Variants in MTHFD1L observed in about 807,000 individuals in gnomAD.
MTHFD1L encodes the protein methylenetetrahydrofolate dehydrogenase (NADP+ dependent) 1 like.
MTHFD1L carries 81 observed loss-of-function variants against 119.5 expected under a neutral mutation model. The ratio of observed to expected loss-of-function variants is 0.68; its 90% CI spans 0.57 to 0.82. MTHFD1L has a LOEUF of 0.82. MTHFD1L is among the 40% of genes least tolerant of loss of function. The pLI is 0.00. For synonymous variants in MTHFD1L, 430 were observed against 475.2 expected (o/e 0.90, Z 1.24); for missense variants, 1,125 against 1,253.4 (o/e 0.90, Z 1.55).
At chr6:151,058,620 A>G (rs1192125625) in intron 26 of MTHFD1L, among the ~76,000 whole-genome samples, 1 of 152,132 alleles carries the variant, frequency 6.6e-6, no homozygotes, top group Non-Finnish European at 1.5e-5. Context: ...CTCTGTGACA[A>G]GGGACAGCCA....
At position 150,899,022 on chromosome 6, in the gene MTHFD1L, A is replaced by C. The variant is rs1784716132; in HGVS notation, c.781-6628A>C. On this transcript the variant is annotated intron_variant, in intron 7 of 27. Coordinates refer to ENST00000367321, the MANE Select transcript of MTHFD1L (RefSeq NM_015440.5). ...AGAATGGTGCTGCATTTTTCCTTTT[A>C]TCATCTGTCATGACTTTTTTAAGTG... is the stretch of plus-strand genomic sequence containing the variant. The C allele has an allele frequency of 6.0e-6, 6 of 1,004,182 alleles. No individual in the cohort carries two copies. The South Asian group carries it at 2.4e-4, about 41-fold the overall frequency. The allele number at this position is 1,004,182 out of a possible 1,614,324, so 62.2% of individuals were successfully genotyped here.
intron 26 of MTHFD1L, among the ~76,000 whole-genome samples, chr6:151,069,838 A>G (rs1197446747): frequency 6.6e-6 from 1 of 152,182 alleles, no homozygotes; most frequent in African/African-American, 2.4e-5. Context: ...TTCTCGGATT[A>G]TAGATCCCTC....
chr6:151,091,252 C>CGACTGGGTGCAGCATTGCTGCATGT (rs1794416194), intron 26 of MTHFD1L, among the ~76,000 whole-genome samples: 2 of 139,358 alleles, frequency 1.4e-5, no homozygotes, highest in African/African-American at 2.8e-5. Flanking sequence ...TCGTTCCATG[C>CGACTGGGTGCAGCATTGCTGCATGT]GACTGGGTGC....
At chr6:150,945,381 A>C in intron 14 of MTHFD1L, 86 bp from the exon 15 acceptor site, 1 of 1,048,312 alleles carries the variant, frequency 9.5e-7, no homozygotes, top group East Asian at 2.4e-5. Context: ...TTATAAATGC[A>C]ATGAATTTTT....
intron 5 of MTHFD1L, among the ~76,000 whole-genome samples, chr6:150,884,116 G>A (rs1209481989): frequency 1.3e-5 from 2 of 151,340 alleles, no homozygotes; most frequent in Non-Finnish European, 2.9e-5. Flanking sequence ...GACCAGCCTG[G>A]ACAACATAGT....
chr6:150,927,248 A>G (rs1265317705), intron 11 of MTHFD1L, among the ~76,000 whole-genome samples: 1 of 152,144 alleles, frequency 6.6e-6, no homozygotes, highest in Non-Finnish European at 1.5e-5. Flanking sequence ...CCCAAACCCA[A>G]GCACTCAGAG....
chr6:150,946,232 C>G (rs1278469835), intron 15 of MTHFD1L, among the ~76,000 whole-genome samples: 1 of 152,162 alleles, frequency 6.6e-6, no homozygotes, highest in Non-Finnish European at 1.5e-5. Context: ...TCACTGCAAC[C>G]TCTGCCTTCC....
chr6:151,029,977 G>A (rs1428640182), intron 24 of MTHFD1L, among the ~76,000 whole-genome samples: 4 of 152,158 alleles, frequency 2.6e-5, no homozygotes, highest in Non-Finnish European at 5.9e-5. Context: ...GATTAAATGT[G>A]TTATGAGTAA....
chr6:151,085,064 T>C (rs935058020), intron 26 of MTHFD1L, among the ~76,000 whole-genome samples: 1 of 149,628 alleles, frequency 6.7e-6, no homozygotes, highest in Non-Finnish European at 1.5e-5. Flanking sequence ...ATTGTTTATA[T>C]AGGAATCAAA....
At chr6:151,016,957 T>C (rs1223214042) in intron 24 of MTHFD1L, among the ~76,000 whole-genome samples, 1 of 151,600 alleles carries the variant, frequency 6.6e-6, no homozygotes, top group African/African-American at 2.4e-5. Context: ...TTTATTTTAG[T>C]AGAGTCGGGG....
chr6:151,022,303 C>G (rs991785802), intron 24 of MTHFD1L: 9 of 269,890 alleles, frequency 3.3e-5, no homozygotes, highest in Non-Finnish European at 3.0e-5. Flanking sequence ...TGAGAACTAT[C>G]CTTTACATGG....
intron 26 of MTHFD1L, among the ~76,000 whole-genome samples, chr6:151,074,131 G>A (rs1320578510): frequency 6.6e-6 from 1 of 152,112 alleles, no homozygotes; most frequent in Non-Finnish European, 1.5e-5. Flanking sequence ...TTTTTACCTG[G>A]TTAAAATATC....
At position 150,902,949 on chromosome 6, in the gene MTHFD1L, G is replaced by A. The variant is rs149498493; in HGVS notation, c.781-2701G>A. Among the ~76,000 whole-genome samples the A allele has an allele frequency of 3.2e-3, 480 of 152,122 alleles. 3 individuals carry two copies. The highest frequency in any genetic ancestry group is 0.011 in the African/African-American group (465 of 41,512). Reference sequence around the variant, plus strand: ...CTGCCTGAAAATCTAGCAAAATGGCGTTTCTTATCTGCAGAACTGCGACAA... The same window carrying A: ...CTGCCTGAAAATCTAGCAAAATGGCATTTCTTATCTGCAGAACTGCGACAA... On this transcript the variant is annotated intron_variant, in intron 7 of 27. Transcript: ENST00000367321.
chr6:150,895,696 A>C (rs1784104067), intron 7 of MTHFD1L, among the ~76,000 whole-genome samples: 1 of 151,284 alleles, frequency 6.6e-6, no homozygotes. Flanking sequence ...TGGCTCATGA[A>C]AGACTTTTAA....
At chr6:150,956,806 A>G (rs1309562667) in intron 17 of MTHFD1L, among the ~76,000 whole-genome samples, 1 of 152,216 alleles carries the variant, frequency 6.6e-6, no homozygotes, top group East Asian at 1.9e-4. Flanking sequence ...CTTACGCCAA[A>G]TAGACTTGTG....
intron 26 of MTHFD1L, among the ~76,000 whole-genome samples, chr6:151,055,443 T>G (rs536278368): frequency 6.6e-6 from 1 of 152,084 alleles, no homozygotes; most frequent in Non-Finnish European, 1.5e-5. Flanking sequence ...TTCAGGAACT[T>G]GCCCTCCTAG....
intron 7 of MTHFD1L, among the ~76,000 whole-genome samples, chr6:150,888,476 A>G (rs1782681919): frequency 6.6e-6 from 1 of 152,262 alleles, no homozygotes; most frequent in African/African-American, 2.4e-5. Context: ...AATTCTCACC[A>G]TAGTAAGTAC....
chr6:150,867,232 C>T (rs1778540366), intron 1 of MTHFD1L, among the ~76,000 whole-genome samples: 1 of 152,166 alleles, frequency 6.6e-6, no homozygotes, highest in African/African-American at 2.4e-5. Flanking sequence ...CGCTTTGTTG[C>T]TCAGGCTGGA....
At chr6:150,979,402 C>T (rs184054178) in intron 20 of MTHFD1L, among the ~76,000 whole-genome samples, 424 of 152,270 alleles carry the variant, frequency 2.8e-3, no homozygotes, top group Non-Finnish European at 4.7e-3. Context: ...AACATTTCTT[C>T]CTCCCAAGTA....
Sources: allele counts gnomAD v4.1 joint callset (sites outside exome capture counted in the v4.1 genomes callset), GRCh38; gene constraint gnomAD v4.1.1; transcripts MANE v1.5; gene names NCBI Gene and HGNC (gene_info 2026-07-23, HGNC 2026-07-21).